Variants in TRIM49C observed in about 807,000 individuals in gnomAD.
TRIM49C encodes tripartite motif-containing protein 49C.
TRIM49C carries 6 observed loss-of-function variants against 21.4 expected under a neutral mutation model. The observed-to-expected ratio is 0.28, with a 90% confidence interval of 0.15 to 0.55. The LOEUF is 0.55. TRIM49C is among the 20% of genes least tolerant of loss of function. TRIM49C has a pLI of 0.94. For missense variants in TRIM49C, 161 were observed against 442.4 expected (o/e 0.36, Z 5.71); for synonymous variants, 57 against 148.1 (o/e 0.38, Z 4.47).
intron 2 of TRIM49C, among the ~76,000 whole-genome samples, 167 bp downstream of exon 2, chr11:90,032,749 G>T (rs1480312066): frequency 3.2e-4 from 38 of 120,438 alleles, no homozygotes; most frequent in African/African-American, 1.5e-3. Flanking sequence ...TTGTTATTTT[G>T]TGCTTTCTAT....
chr11:90,033,478 G>A (rs1454214695), intron 2 of TRIM49C, among the ~76,000 whole-genome samples: 1 of 134,080 alleles, frequency 7.5e-6, no homozygotes, highest in East Asian at 2.2e-4. Flanking sequence ...ATTCAATTAT[G>A]TTTAGATACA....
the TRIM49C span, chr11:90,051,739 G>T: frequency 3.7e-6 from 1 of 267,702 alleles, no homozygotes; most frequent in Non-Finnish European, 6.8e-6. Context: ...GAGATAGCGC[G>T]GAAATACACG....
the TRIM49C span, chr11:90,053,143 G>A: frequency 1.4e-5 from 2 of 139,444 alleles, no homozygotes. Context: ...AAGACTCCAG[G>A]GGCAGGGCCT....
At chr11:90,038,581 A>C (rs1314021456) in intron 5 of TRIM49C, 112 bp from the exon 6 acceptor site, 1 of 1,183,918 alleles carries the variant, frequency 8.4e-7, no homozygotes, top group African/African-American at 1.5e-5. Flanking sequence ...CCAGAAGAGA[A>C]GATGGTAGGG....
chr11:90,036,836 A>AGTG (rs1456469387), intron 4 of TRIM49C, among the ~76,000 whole-genome samples: 1 of 138,212 alleles, frequency 7.2e-6, no homozygotes, highest in Non-Finnish European at 1.6e-5. Context: ...GATGTATTTG[A>AGTG]GTGTGGTAGG....
chr11:90,034,088 C>A (rs1269483266), intron 2 of TRIM49C, among the ~76,000 whole-genome samples: 5 of 124,436 alleles, frequency 4.0e-5, no homozygotes, highest in Non-Finnish European at 6.4e-5. Flanking sequence ...TAGAGAGTTC[C>A]AATATAGGCT....
chr11:90,069,407 G>A, the TRIM49C span, among the ~76,000 whole-genome samples: 1 of 130,600 alleles, frequency 7.7e-6, no homozygotes, highest in Non-Finnish European at 1.6e-5. Context: ...GAGCCACCGT[G>A]CCTGGCCCAA....
downstream of TRIM49C, among the ~76,000 whole-genome samples, chr11:90,046,311 A>T (rs61903675): frequency 0.14 from 16,947 of 123,318 alleles, 4,074 homozygotes; most frequent in Middle Eastern, 0.26. Context: ...GTTAGGGAGG[A>T]TTCCCTCTTT....
chr11:90,038,599 A>G lies in TRIM49C; in HGVS notation c.739-94A>G. 4 of 1,050,620 alleles carry G rather than the reference A, an allele frequency of 3.8e-6. 1 individual carries two copies. Among genetic ancestry groups the G allele is most frequent in the African/African-American group, 1.6e-5 (1 of 61,758 alleles). 65.1% of individuals were successfully genotyped at this position (1,050,620 alleles called of 1,614,324 possible). A position where few individuals can be genotyped will look rare whatever the true frequency, so the allele number is the denominator to read the frequency against. ...GAAGAGAAGATGGTAGGGAAATAATATCTTCAGAAACTGAGTACAAATCTC... is the reference window on the plus strand; with the variant it reads ...GAAGAGAAGATGGTAGGGAAATAATGTCTTCAGAAACTGAGTACAAATCTC... On this transcript the variant is annotated intron_variant, in intron 5 of 7. Coordinates refer to ENST00000448984, the MANE Select transcript of TRIM49C (RefSeq NM_001195234.1).
At chr11:90,046,198 C>A (rs3956295), downstream of TRIM49C, among the ~76,000 whole-genome samples, 18 of 125,262 alleles carry the variant, frequency 1.4e-4, 6 homozygotes, top group Admixed American at 1.4e-3. Flanking sequence ...TTATTGAGAA[C>A]TTTTGCATCG....
the TRIM49C span, among the ~76,000 whole-genome samples, chr11:90,065,819 G>A: frequency 1.8e-4 from 24 of 137,028 alleles, 2 homozygotes; most frequent in African/African-American, 5.7e-4. Context: ...AACCGAGTTC[G>A]GCGGCAGGCA....
At chr11:90,062,416 G>A in the TRIM49C span, among the ~76,000 whole-genome samples, 2 of 139,052 alleles carry the variant, frequency 1.4e-5, no homozygotes, top group Non-Finnish European at 3.1e-5. Context: ...ACACAGCTGT[G>A]ATTAGAGTGC....
the TRIM49C span, among the ~76,000 whole-genome samples, chr11:90,048,437 C>T: frequency 2.4e-5 from 3 of 122,604 alleles, 1 homozygote; most frequent in Non-Finnish European, 5.0e-5. Flanking sequence ...TCACATTGTC[C>T]CATATTTCTT....
the TRIM49C span, among the ~76,000 whole-genome samples, chr11:90,066,676 G>A: frequency 8.4e-6 from 1 of 118,718 alleles, no homozygotes; most frequent in Admixed American, 1.1e-4. Context: ...TTTTAAAAGT[G>A]ATACTTTACA....
At chr11:90,070,710 T>C in the TRIM49C span, among the ~76,000 whole-genome samples, 15 of 141,114 alleles carry the variant, frequency 1.1e-4, no homozygotes, top group African/African-American at 3.8e-4. Context: ...ATTTTAAAAG[T>C]GTTGCAGTGA....
chr11:90,045,502 G>A (rs1396062267), downstream of TRIM49C, among the ~76,000 whole-genome samples: 35 of 57,060 alleles, frequency 6.1e-4, no homozygotes, highest in African/African-American at 2.6e-3. Context: ...GTCTCTTTAA[G>A]TTGGATTCCT....
At chr11:90,063,134 T>C in the TRIM49C span, 1 of 569,680 alleles carries the variant, frequency 1.8e-6, no homozygotes, top group Non-Finnish European at 3.0e-6. Flanking sequence ...ATAAGTTAGC[T>C]CCAGTACAAA....
At chr11:90,065,864 G>A in the TRIM49C span, among the ~76,000 whole-genome samples, 1 of 135,342 alleles carries the variant, frequency 7.4e-6, no homozygotes, top group South Asian at 2.6e-4. Context: ...GCTGAGGCAT[G>A]AGAATCACTT....
the TRIM49C span, among the ~76,000 whole-genome samples, chr11:90,055,987 C>CCCGCTCTT: frequency 8.4e-6 from 1 of 118,764 alleles, no homozygotes; most frequent in East Asian, 2.8e-4. Context: ...GAGACGGAGT[C>CCCGCTCTT]CCGCTCTTTA....
Sources: allele counts gnomAD v4.1 joint callset (sites outside exome capture counted in the v4.1 genomes callset), GRCh38; gene constraint gnomAD v4.1.1; transcripts MANE v1.5; gene names NCBI Gene and HGNC (gene_info 2026-07-23, HGNC 2026-07-21).